LGSN: variants seen among roughly 807,000 people sequenced by gnomAD.
LGSN encodes lengsin.
A neutral mutation model predicts 19.5 loss-of-function variants in LGSN; 21 were observed. That is an observed-to-expected ratio of 1.07 (90% CI 0.76 to 1.55). The LOEUF is 1.55. Ranked by LOEUF, LGSN falls within the 40% of genes most tolerant of loss-of-function variation. The pLI, the probability that LGSN is intolerant of heterozygous loss-of-function variation, is 0.00. For missense variants in LGSN, 673 were observed against 608.5 expected, an observed-to-expected ratio of 1.11 and a Z score of -1.12; for synonymous variants, 257 against 215.6, an observed-to-expected ratio of 1.19 and a Z score of -1.68.
At chr6:63,284,493 CTAGAG>C (rs1171168265) in intron 3 of LGSN, among the ~76,000 whole-genome samples, 5 of 152,090 alleles carry the variant, frequency 3.3e-5, no homozygotes, top group Admixed American at 6.5e-5. Flanking sequence ...CACTGAGAAA[CTAGAG>C]TAATGTCCTA....
At chr6:63,512,950 T>G in the LGSN span, among the ~76,000 whole-genome samples, 51 of 152,312 alleles carry the variant, frequency 3.3e-4, no homozygotes, top group African/African-American at 1.2e-3. Context: ...GACAGATACG[T>G]ATTTGTATTG....
the LGSN span, among the ~76,000 whole-genome samples, chr6:63,454,474 T>C: frequency 6.9e-6 from 1 of 145,710 alleles, no homozygotes; most frequent in African/African-American, 2.6e-5. Context: ...CATTTTCTTT[T>C]TTTTTTTTTT....
chr6:63,567,065 T>C, the LGSN span, among the ~76,000 whole-genome samples: 1 of 152,202 alleles, frequency 6.6e-6, no homozygotes. Flanking sequence ...ACTCCAATTG[T>C]CTTGCTATTT....
chr6:63,456,216 G>A, the LGSN span, among the ~76,000 whole-genome samples: 4 of 150,958 alleles, frequency 2.6e-5, no homozygotes, highest in Non-Finnish European at 5.9e-5. Context: ...GGGGACAGTG[G>A]GAGACTCCAT....
At chr6:63,363,379 G>A in the LGSN span, among the ~76,000 whole-genome samples, 16 of 151,194 alleles carry the variant, frequency 1.1e-4, no homozygotes, top group Non-Finnish European at 1.6e-4. Flanking sequence ...GGATTCAGAC[G>A]ATCGATAATA....
chr6:63,515,357 G>A, the LGSN span, among the ~76,000 whole-genome samples: 13 of 151,874 alleles, frequency 8.6e-5, no homozygotes, highest in East Asian at 1.9e-3. Context: ...TCAGCTTCCC[G>A]TGTAGCTGGG....
chr6:63,405,134 C>G, the LGSN span, among the ~76,000 whole-genome samples: 1 of 151,674 alleles, frequency 6.6e-6, no homozygotes, highest in South Asian at 2.1e-4. Context: ...AGGACATGAA[C>G]TCATCATTTT....
At chr6:63,359,279 T>G in the LGSN span, among the ~76,000 whole-genome samples, 1 of 152,220 alleles carries the variant, frequency 6.6e-6, no homozygotes, top group Non-Finnish European at 1.5e-5. Context: ...ATCAGGAATA[T>G]TGGTCTAAAA....
At chr6:63,537,802 A>G in the LGSN span, among the ~76,000 whole-genome samples, 1 of 152,222 alleles carries the variant, frequency 6.6e-6, no homozygotes, top group East Asian at 1.9e-4. Flanking sequence ...GAGGGTGACT[A>G]TCCTAACCCG....
At chr6:63,399,070 G>A in the LGSN span, among the ~76,000 whole-genome samples, 1 of 152,052 alleles carries the variant, frequency 6.6e-6, no homozygotes, top group African/African-American at 2.4e-5. Flanking sequence ...GACTCCCAAA[G>A]TGATGGGATT....
the LGSN span, among the ~76,000 whole-genome samples, chr6:63,548,210 C>T: frequency 1.4e-4 from 22 of 152,146 alleles, no homozygotes; most frequent in Non-Finnish European, 2.8e-4. Context: ...TTCTGCATTA[C>T]TGTTATTTAT....
At chr6:63,390,575 G>T in the LGSN span, among the ~76,000 whole-genome samples, 1 of 151,608 alleles carries the variant, frequency 6.6e-6, no homozygotes, top group Non-Finnish European at 1.5e-5. Context: ...AATTGGAATC[G>T]GCCAGGCGCG....
chr6:63,470,406 G>A, the LGSN span, among the ~76,000 whole-genome samples: 2 of 151,706 alleles, frequency 1.3e-5, no homozygotes, highest in African/African-American at 2.4e-5. Flanking sequence ...CCCAGGCGGC[G>A]GAGGTTGCAG....
At chr6:63,410,816 C>G in the LGSN span, among the ~76,000 whole-genome samples, 14 of 152,218 alleles carry the variant, frequency 9.2e-5, no homozygotes, top group Non-Finnish European at 4.4e-5. Flanking sequence ...TTGAGTAGCA[C>G]AGAAAAAGCT....
the LGSN span, among the ~76,000 whole-genome samples, chr6:63,390,891 G>A: frequency 6.6e-6 from 1 of 150,836 alleles, no homozygotes; most frequent in Non-Finnish European, 1.5e-5. Context: ...AAGAAAATTG[G>A]AATTGAATTA....
the LGSN span, among the ~76,000 whole-genome samples, chr6:63,503,169 G>A: frequency 5.3e-5 from 8 of 151,930 alleles, no homozygotes; most frequent in Admixed American, 5.2e-4. Context: ...AATCAACTAT[G>A]ACATTACTTC....
At position 63,281,198 on chromosome 6, in the gene LGSN, C is replaced by T; in HGVS notation, c.353G>A (p.Cys118Tyr). Residue 118 changes from cysteine (C) to tyrosine (Y), a missense_variant, in exon 4 of 4, where the codon TGC becomes TAC. Transcript: ENST00000370657. ...CACTTCAAGATAACCTCGGGGCATG[C>T]AAACACCATGGCTCACTTTCTCCTA... ...FFQEKVSHGV[C>Y]MPRGYLEVIP... 1.3e-6 allele frequency: 2 copies of T among 1,583,570 alleles called. No homozygotes were observed. Among genetic ancestry groups the T allele is most frequent in the Non-Finnish European group, 8.6e-7 (1 of 1,164,578 alleles).
the LGSN span, among the ~76,000 whole-genome samples, chr6:63,450,401 G>A: frequency 6.7e-6 from 1 of 149,226 alleles, no homozygotes; most frequent in African/African-American, 2.5e-5. Context: ...TTAAAAATAA[G>A]CAAGGTGTGG....
chr6:63,349,828 A>G, the LGSN span, among the ~76,000 whole-genome samples: 6 of 152,206 alleles, frequency 3.9e-5, no homozygotes, highest in Non-Finnish European at 7.4e-5. Context: ...TCAAGTTATC[A>G]TAAGACTGAA....
Sources: gnomAD v4.1 joint callset for allele counts (sites outside exome capture counted in the v4.1 genomes callset) on GRCh38, gnomAD v4.1.1 for gene constraint, MANE v1.5 for transcripts, NCBI Gene and HGNC (gene_info 2026-07-23, HGNC 2026-07-21) for gene names.